Variants in PRKN observed in about 807,000 individuals in gnomAD.
PRKN encodes E3 ubiquitin-protein ligase parkin.
In PRKN, 56 loss-of-function variants were observed where a neutral mutation model predicts 59.5. That is an observed-to-expected ratio of 0.94 (90% CI 0.76 to 1.18). The LOEUF is 1.18. PRKN is among the 50% of genes most tolerant of loss of function. PRKN has a pLI of 0.00. For synonymous variants in PRKN, 250 were observed against 222.1 expected (o/e 1.13, Z -1.12); for missense variants, 657 against 596.4 (o/e 1.10, Z -1.06).
intron 1 of PRKN, among the ~76,000 whole-genome samples, chr6:162,678,246 TA>T (rs561877108): frequency 4.8e-4 from 73 of 152,346 alleles, no homozygotes; most frequent in African/African-American, 1.7e-3. Context: ...CTATTACAAA[TA>T]AAGCTGCTAT....
In PRKN at chr6:161,707,860, A is replaced by C. The variant is rs558552196; in HGVS notation, c.871+77912T>G. Among the ~76,000 whole-genome samples, 8 of 152,244 alleles carry C rather than the reference A, an allele frequency of 5.3e-5. No homozygotes were observed. The East Asian group carries it at 1.5e-3, about 29-fold the overall frequency. On this transcript the variant is annotated intron_variant, in intron 7 of 11. Transcript: ENST00000366898. ...AAGCTTCCTAGGGCTTCAAACATAC[A>C]ATGAATCCAAAAGGACTCTGTTGGT... is the stretch of plus-strand genomic sequence containing the variant.
intron 4 of PRKN, among the ~76,000 whole-genome samples, chr6:162,073,331 C>T (rs1163596457): frequency 1.3e-5 from 2 of 152,212 alleles, no homozygotes; most frequent in Non-Finnish European, 2.9e-5. Context: ...GTGTCTATTC[C>T]TGTATTTATT....
At chr6:162,055,204 G>A (rs1777808698) in intron 4 of PRKN, among the ~76,000 whole-genome samples, 1 of 152,054 alleles carries the variant, frequency 6.6e-6, no homozygotes, top group African/African-American at 2.4e-5. Flanking sequence ...AAAGCAAAAG[G>A]CAGATAGGGG....
At position 161,442,241 on chromosome 6, in the gene PRKN, A is replaced by C. The variant is rs1789270698; in HGVS notation, c.1084-55364T>G. Among the ~76,000 whole-genome samples the C allele has an allele frequency of 6.6e-6, 1 of 152,192 alleles. No homozygotes were observed. The highest frequency in any genetic ancestry group is 6.5e-5 in the Admixed American group (1 of 15,282). On this transcript the variant is annotated intron_variant, in intron 9 of 11. Coordinates refer to ENST00000366898, the MANE Select transcript of PRKN (RefSeq NM_004562.3). This position sits in a 1 kb window ranked among gnomAD's most constrained non-coding sequence, Gnocchi z 4.6. ...TCAATTTCTCTGAAATTGAAGGAGA[A>C]TTATTTCTCCACTTCAAAAGTCAGT... is the stretch of plus-strand genomic sequence containing the variant.
chr6:162,128,495 G>T (rs796498646), intron 4 of PRKN, among the ~76,000 whole-genome samples: 52 of 152,218 alleles, frequency 3.4e-4, no homozygotes, highest in African/African-American at 1.0e-3. Context: ...AACGTAGACA[G>T]CATCTGTAAG....
chr6:161,574,011 T>C (rs1781034751), intron 7 of PRKN, among the ~76,000 whole-genome samples: 1 of 151,776 alleles, frequency 6.6e-6, no homozygotes, highest in African/African-American at 2.4e-5. Context: ...TATATAAACA[T>C]CTTTAACAGA....
intron 7 of PRKN, among the ~76,000 whole-genome samples, chr6:161,611,589 T>G (rs955100152): frequency 6.6e-6 from 1 of 152,234 alleles, no homozygotes; most frequent in East Asian, 1.9e-4. Flanking sequence ...GAGGGTGGAC[T>G]GAACTGGTAA....
At chr6:161,821,186 C>G (rs1032284001) in intron 6 of PRKN, among the ~76,000 whole-genome samples, 1 of 151,944 alleles carries the variant, frequency 6.6e-6, no homozygotes, top group Non-Finnish European at 1.5e-5. Flanking sequence ...CCAAAAACCC[C>G]CAAACATACT....
Position 161,360,318 on chromosome 6 carries a change from G to T in PRKN, c.1168-113C>A. 1.2e-6 allele frequency: 1 copy of T among 841,176 alleles called. No homozygotes were observed. Among genetic ancestry groups the T allele is most frequent in the South Asian group, 1.4e-5 (1 of 73,790 alleles). 52.1% of individuals were successfully genotyped at this position (841,176 alleles called of 1,614,324 possible). On this transcript the variant is annotated intron_variant, in intron 10 of 11. Transcript: ENST00000366898. The surrounding 1 kb of genome is among the most constrained non-coding windows in gnomAD (Gnocchi z 5.1). ...TTCTTGAAGACAGGAGTGCCTTCGGGCAAGAAGCCTAAATATCAATGCACT... is the reference window on the plus strand; with the variant it reads ...TTCTTGAAGACAGGAGTGCCTTCGGTCAAGAAGCCTAAATATCAATGCACT...
At chr6:162,122,220 A>G (rs975216088) in intron 4 of PRKN, among the ~76,000 whole-genome samples, 4 of 152,150 alleles carry the variant, frequency 2.6e-5, no homozygotes, top group African/African-American at 9.7e-5. Context: ...TGGCAAAGAC[A>G]GAGCTATGCT....
chr6:161,876,274 A>T (rs1794728335), intron 6 of PRKN, among the ~76,000 whole-genome samples: 1 of 152,004 alleles, frequency 6.6e-6, no homozygotes, highest in African/African-American at 2.4e-5. Context: ...TTGTCTTTCC[A>T]TTTTTTGTTT....
intron 1 of PRKN, among the ~76,000 whole-genome samples, chr6:162,573,005 A>C (rs1453267522): frequency 1.3e-5 from 2 of 152,212 alleles, no homozygotes; most frequent in Non-Finnish European, 2.9e-5. Context: ...TGAAATCTTA[A>C]TTGCCAGACA....
At chr6:162,696,667 C>A (rs1163776264) in intron 1 of PRKN, among the ~76,000 whole-genome samples, 1 of 150,856 alleles carries the variant, frequency 6.6e-6, no homozygotes, top group South Asian at 2.1e-4. Flanking sequence ...AGCCATCCTC[C>A]CAAGCAGCAG....
intron 7 of PRKN, among the ~76,000 whole-genome samples, chr6:161,663,887 G>A: frequency 6.6e-6 from 1 of 152,194 alleles, no homozygotes; most frequent in Non-Finnish European, 1.5e-5. Context: ...CTGGGATGCT[G>A]CACATGGGGG....
intron 2 of PRKN, among the ~76,000 whole-genome samples, chr6:162,293,685 C>T (rs1781537776): frequency 6.6e-6 from 1 of 151,996 alleles, no homozygotes; most frequent in South Asian, 2.1e-4. Context: ...CTAGAGCAGG[C>T]TGTCAGGAGG....
At position 161,926,187 on chromosome 6, in the gene PRKN, T is replaced by C. The variant is rs371539548; in HGVS notation, c.734+47115A>G. Among the ~76,000 whole-genome samples, 30 of 152,320 alleles carry C rather than the reference T, an allele frequency of 2.0e-4. No individual in the cohort carries two copies. The East Asian group carries it at 4.8e-3, about 25-fold the overall frequency. The stretch of plus-strand genomic sequence containing the variant: ...TGACAAGGAACTGCCACTTCGTTCT[T>C]GACCTGTAGAAAGGCAGTCGGTGAG... On this transcript the variant is annotated intron_variant, in intron 6 of 11. Coordinates refer to ENST00000366898, the MANE Select transcript of PRKN (RefSeq NM_004562.3).
intron 7 of PRKN, among the ~76,000 whole-genome samples, chr6:161,635,170 A>T (rs920523051): frequency 6.6e-6 from 1 of 152,248 alleles, no homozygotes; most frequent in African/African-American, 2.4e-5. Context: ...GTGAAGTAGA[A>T]AAAAGAGTAG....
At chr6:161,696,930 A>T (rs1024456955) in intron 7 of PRKN, among the ~76,000 whole-genome samples, 10 of 152,212 alleles carry the variant, frequency 6.6e-5, no homozygotes, top group South Asian at 4.1e-4. Context: ...ACTAAAGAGA[A>T]CATGTAAGCC....
intron 4 of PRKN, among the ~76,000 whole-genome samples, chr6:162,103,042 C>CAAAAAAAAAAA (rs1163020488): frequency 7.4e-5 from 4 of 54,310 alleles, no homozygotes; most frequent in African/African-American, 2.5e-4. Context: ...GACTCTGTCT[C>CAAAAAAAAAAA]AAAAAAAAAA....
Sources: allele counts gnomAD v4.1 joint callset (sites outside exome capture counted in the v4.1 genomes callset), GRCh38; gene constraint gnomAD v4.1.1; non-coding constraint Gnocchi (gnomAD v3.1); transcripts MANE v1.5; gene names NCBI Gene and HGNC (gene_info 2026-07-23, HGNC 2026-07-21).